Variants in C3orf52 observed in about 807,000 individuals in gnomAD.
C3orf52 encodes the protein chromosome 3 open reading frame 52, also known as TPA-induced transmembrane protein.
C3orf52 carries 22 observed loss-of-function variants against 24.8 expected under a neutral mutation model. The ratio of observed to expected loss-of-function variants is 0.89; its 90% CI spans 0.63 to 1.27. The LOEUF (loss-of-function observed/expected upper bound fraction) is 1.27. Among genes scored for constraint, C3orf52 ranks in the 50% most tolerant of loss-of-function variants. The pLI is 0.00. For synonymous variants in C3orf52, 93 were observed against 100.2 expected (o/e 0.93, Z 0.43); for missense variants, 265 against 260.7 (o/e 1.02, Z -0.11).
chr3:112,124,039 C>T (rs887481773), intron 4 of C3orf52, among the ~76,000 whole-genome samples: 1 of 152,156 alleles, frequency 6.6e-6, no homozygotes, highest in African/African-American at 2.4e-5. Flanking sequence ...TTTGGATATT[C>T]GTCCCCTGCA....
chr3:112,096,645 G>A (rs776009640), intron 2 of C3orf52, among the ~76,000 whole-genome samples: 16 of 152,170 alleles, frequency 1.1e-4, no homozygotes, highest in Non-Finnish European at 1.8e-4. Flanking sequence ...ACATAAAATG[G>A]GACAGTGAAA....
In C3orf52 at chr3:112,117,390, T is replaced by G; in HGVS notation, c.*744T>G. ...GCTAGTTACAGACGGGAGCTATGTG[T>G]TTCTTCATTATTTTGCAGCTCCTCG... On this transcript the variant is annotated 3_prime_UTR_variant, in exon 6 of 6. Coordinates refer to ENST00000264848, the MANE Select transcript of C3orf52 (RefSeq NM_024616.3). 6.0e-6 allele frequency: 1 copy of G among 167,694 alleles called. No individual in the cohort carries two copies. The allele number at this position is 167,694 out of a possible 1,614,324, so 10.4% of individuals were successfully genotyped here.
At chr3:112,130,603 G>A (rs2107813717), downstream of C3orf52, 1 of 1,139,466 alleles carries the variant, frequency 8.8e-7, no homozygotes, top group Non-Finnish European at 1.3e-6. Flanking sequence ...CCTCATTTCT[G>A]CTATTTGTGT....
chr3:112,119,355 A>G (rs1394821044), downstream of C3orf52: 22 of 636,856 alleles, frequency 3.5e-5, no homozygotes, highest in Non-Finnish European at 5.5e-5. Context: ...AGCCTGGGTG[A>G]CAAGAGTGAA....
downstream of C3orf52, chr3:112,132,726 G>C (rs944672440): frequency 1.2e-5 from 11 of 947,790 alleles, no homozygotes; most frequent in Non-Finnish European, 1.4e-5. Context: ...CTGAAAGAGG[G>C]TGGTGATTTT....
At chr3:112,133,512 A>G (rs1252214009), downstream of C3orf52, 1 of 197,716 alleles carries the variant, frequency 5.1e-6, no homozygotes. Context: ...AGGAGGTTAA[A>G]ACAGTCAAGC....
chr3:112,116,711 C>A lies in C3orf52; in HGVS notation c.*65C>A. The A allele has an allele frequency of 6.4e-7, 1 of 1,572,294 alleles. No individual in the cohort carries two copies. Among genetic ancestry groups the A allele is most frequent in the South Asian group, 1.2e-5 (1 of 85,472 alleles). ...CCAAGTCCTGGAGATGAAGGGAATT[C>A]ACTCTGTTTTGCAGAAAAGATTCTG... On this transcript the variant is annotated 3_prime_UTR_variant, in exon 6 of 6. Transcript: ENST00000264848.
downstream of C3orf52, among the ~76,000 whole-genome samples, chr3:112,120,615 T>A (rs931310796): frequency 6.6e-6 from 1 of 152,102 alleles, no homozygotes; most frequent in Non-Finnish European, 1.5e-5. Flanking sequence ...AGTTTTCTGG[T>A]TATATTTGTG....
At chr3:112,114,031 T>C (rs920215489) in intron 5 of C3orf52, among the ~76,000 whole-genome samples, 1 of 152,172 alleles carries the variant, frequency 6.6e-6, no homozygotes, top group Non-Finnish European at 1.5e-5. Flanking sequence ...TCTCAGTAAA[T>C]ACTAGTTGAA....
chr3:112,087,477 G>C (rs1365284168), intron 1 of C3orf52, among the ~76,000 whole-genome samples: 2 of 151,978 alleles, frequency 1.3e-5, no homozygotes, highest in Non-Finnish European at 2.9e-5. Flanking sequence ...TCCCCATATA[G>C]AGCCCCGACC....
chr3:112,118,241 G>A (rs1559977664), downstream of C3orf52: 1 of 152,184 alleles, frequency 6.6e-6, no homozygotes, highest in African/African-American at 2.4e-5. Flanking sequence ...TGAGCTTTGG[G>A]CTGGGTTTTT....
downstream of C3orf52, among the ~76,000 whole-genome samples, chr3:112,131,726 T>C (rs116128608): frequency 7.4e-3 from 1,125 of 152,316 alleles, 14 homozygotes; most frequent in African/African-American, 0.025. Flanking sequence ...ATTGAATATA[T>C]GTTGCCAAAT....
chr3:112,132,951 C>G, downstream of C3orf52: 1 of 824,072 alleles, frequency 1.2e-6, no homozygotes, highest in Non-Finnish European at 2.0e-6. Flanking sequence ...AGAGTAGGCA[C>G]TGAAGGCTTG....
In C3orf52 at chr3:112,101,809, C is replaced by T. The variant is rs77804705; in HGVS notation, c.269-1029C>T. Among the ~76,000 whole-genome samples the T allele has an allele frequency of 6.3e-3, 962 of 152,278 alleles. 14 individuals carry two copies. Among genetic ancestry groups the T allele is most frequent in the African/African-American group, 0.022 (917 of 41,558 alleles). ...ATAAGCACCTGGTTCCTCCCACCTA[C>T]GCCTTTCTCAGGGCCAGAGAGGTAG... On this transcript the variant is annotated intron_variant, in intron 2 of 5. Coordinates refer to ENST00000264848, the MANE Select transcript of C3orf52 (RefSeq NM_024616.3).
At chr3:112,090,276 A>G (rs1576132870) in intron 1 of C3orf52, among the ~76,000 whole-genome samples, 1 of 143,926 alleles carries the variant, frequency 6.9e-6, no homozygotes, top group Non-Finnish European at 1.5e-5. Context: ...AGTGTCTGAC[A>G]GTTTCATGTG....
intron 1 of C3orf52, among the ~76,000 whole-genome samples, chr3:112,087,481 C>G (rs929531906): frequency 6.6e-6 from 1 of 152,082 alleles, no homozygotes; most frequent in Non-Finnish European, 1.5e-5. Context: ...CATATAGAGC[C>G]CCGACCTGAT....
At chr3:112,126,363 A>G (rs1311259379) in intron 4 of C3orf52, among the ~76,000 whole-genome samples, 3 of 152,042 alleles carry the variant, frequency 2.0e-5, no homozygotes, top group African/African-American at 7.2e-5. Flanking sequence ...TCAGGCCTAC[A>G]CTTTCTTATT....
intron 2 of C3orf52, among the ~76,000 whole-genome samples, chr3:112,099,424 G>A (rs533564767): frequency 6.6e-6 from 1 of 152,110 alleles, no homozygotes; most frequent in African/African-American, 2.4e-5. Context: ...TTTTAGTTCT[G>A]CTACTATCCA....
intron 3 of C3orf52, among the ~76,000 whole-genome samples, chr3:112,107,957 G>T (rs992757220): frequency 6.6e-6 from 1 of 152,170 alleles, no homozygotes; most frequent in Admixed American, 6.5e-5. Flanking sequence ...GCTGTTTTTT[G>T]TATGTTCGAC....
Sources: allele counts gnomAD v4.1 joint callset (sites outside exome capture counted in the v4.1 genomes callset), GRCh38; gene constraint gnomAD v4.1.1; transcripts MANE v1.5; gene names NCBI Gene and HGNC (gene_info 2026-07-23, HGNC 2026-07-21).